DDX39B: variants seen among roughly 807,000 people sequenced by gnomAD.
DDX39B encodes the protein spliceosome RNA helicase DDX39B.
In DDX39B, 6 loss-of-function variants were observed where a neutral mutation model predicts 46.4. The observed-to-expected ratio is 0.13, with a 90% CI of 0.07 to 0.26. The LOEUF is 0.26. Among genes scored for constraint, DDX39B ranks in the 10% least tolerant of loss-of-function variants. The probability of loss-of-function intolerance (pLI) is 1.00; values close to 1 mark genes in which losing one functional copy is unlikely to be tolerated. For synonymous variants in DDX39B, 174 were observed against 199.4 expected, an observed-to-expected ratio of 0.87 and a Z score of 1.07; for missense variants, 185 against 553.4, an observed-to-expected ratio of 0.33 and a Z score of 6.68.
chr6:31,541,516 G>A (rs1270663574), intron 1 of DDX39B: 8 of 402,270 alleles, frequency 2.0e-5, no homozygotes, highest in Non-Finnish European at 4.1e-5. Context: ...GGCAAGTCAA[G>A]GTGAGAAAAA....
At chr6:31,539,381 G>T in intron 2 of DDX39B, 107 bp from the exon 3 acceptor site, 1 of 1,492,468 alleles carries the variant, frequency 6.7e-7, no homozygotes, top group Admixed American at 2.1e-5. Flanking sequence ...TCAAAGTCTA[G>T]TATTTACCTG....
chr6:31,540,232 C>T, intron 2 of DDX39B, 90 bp downstream of exon 2: 1 of 1,415,014 alleles, frequency 7.1e-7, no homozygotes, highest in Non-Finnish European at 9.9e-7. Flanking sequence ...AAGTATAAAC[C>T]CTTACCACCA....
At chr6:31,539,122 T>TC in intron 3 of DDX39B, 25 bp downstream of exon 3, 1 of 1,613,096 alleles carries the variant, frequency 6.2e-7, no homozygotes, top group South Asian at 1.1e-5. Flanking sequence ...CAAAATCCCC[T>TC]CCCCAGCACT....
rs754083063 is a variant in DDX39B at position 31,531,422 on chromosome 6, T to TG, written c.868-18dup. The TG allele has an allele frequency of 5.6e-6, 9 of 1,606,634 alleles. No homozygotes were observed. Among genetic ancestry groups the TG allele is most frequent in the Admixed American group, 1.7e-5 (1 of 59,590 alleles). On this transcript the variant is annotated splice_polypyrimidine_tract_variant and intron_variant, in intron 7 of 10. Coordinates refer to ENST00000396172, the MANE Select transcript of DDX39B (RefSeq NM_004640.7). The surrounding 1 kb of genome is among the most constrained non-coding windows in gnomAD (Gnocchi z 5.8). ...GATCACCACCTGTTGTGGGGTGGGG[T>TG]GGGGGGTCGCAAATTGGGGGAATAG...
rs777506169 is a variant in DDX39B, at chr6:31,535,492, G to A, written c.617-7C>T. On this transcript the variant is annotated splice_region_variant and splice_polypyrimidine_tract_variant and intron_variant, in intron 5 of 10. Coordinates refer to ENST00000396172, the MANE Select transcript of DDX39B (RefSeq NM_004640.7). The surrounding 1 kb of genome is among the most constrained non-coding windows in gnomAD (Gnocchi z 4.6). ...TGGACATCCCGACGCATGTCTACAAGAACAAGGAAAAAAATTGTAGGAGAA... is the reference window on the plus strand; with the variant it reads ...TGGACATCCCGACGCATGTCTACAAAAACAAGGAAAAAAATTGTAGGAGAA... The A allele has an allele frequency of 2.5e-6, 4 of 1,603,614 alleles. No homozygotes were observed. The highest frequency in any genetic ancestry group is 1.3e-5 in the African/African-American group (1 of 74,596).
chr6:31,536,365 G>A, intron 5 of DDX39B, 135 bp downstream of exon 5: 2 of 1,261,208 alleles, frequency 1.6e-6, no homozygotes, highest in African/African-American at 2.9e-5. Context: ...GACCAACCAG[G>A]GAACCCAGAG....
At chr6:31,539,413 C>A in intron 2 of DDX39B, 139 bp from the exon 3 acceptor site, 1 of 1,222,526 alleles carries the variant, frequency 8.2e-7, no homozygotes, top group African/African-American at 1.5e-5. Flanking sequence ...CTTCCAGACC[C>A]ATTTTACCTC....
At position 31,539,264 on chromosome 6, in the gene DDX39B, C is replaced by T. The variant is rs756521014; in HGVS notation, c.222G>A (p.Glu74=). 6.2e-7 allele frequency: 1 copy of T among 1,612,612 alleles called. No individual in the cohort carries two copies. The highest frequency in any genetic ancestry group is 8.5e-7 in the Non-Finnish European group (1 of 1,179,558). ...GFEHPSEVQH[E]CIPQAILGMD... is the part of the protein sequence containing the mutation. ...TTCCCAGAATGGCCTGAGGGATGCA[C>T]TCATGCTGGACTAAAAGTTGGGGGG... The change falls in exon 3 of 11, where the codon GAG becomes GAA. Residue 74 remains glutamate (E), a synonymous_variant. Transcript: ENST00000396172.
In DDX39B at chr6:31,531,558, A is replaced by G. The variant is rs1426394024; in HGVS notation, c.868-153T>C. 8 of 686,304 alleles carry G rather than the reference A, an allele frequency of 1.2e-5. No individual in the cohort carries two copies. Among genetic ancestry groups the G allele is most frequent in the Non-Finnish European group, 2.0e-5 (8 of 406,492 alleles). The allele number at this position is 686,304 out of a possible 1,614,324, so 42.5% of individuals were successfully genotyped here. On this transcript the variant is annotated intron_variant, in intron 7 of 10. Transcript: ENST00000396172. This position sits in a 1 kb window ranked among gnomAD's most constrained non-coding sequence, Gnocchi z 5.8. ...TTCCCCCACTATATATTTAGAGCAG[A>G]AAAGGAAATATAACTTTACTTCAGC... is the stretch of plus-strand genomic sequence containing the variant.
chr6:31,541,057 G>A (rs756217140), intron 1 of DDX39B: 25 of 524,666 alleles, frequency 4.8e-5, no homozygotes, highest in Non-Finnish European at 7.8e-5. Flanking sequence ...GGAAGACTCC[G>A]CTTTCCCTAT....
Position 31,540,344 on chromosome 6 carries a change from A to G in DDX39B, c.189T>C (p.Cys63=). 1 of 1,614,242 alleles carries G rather than the reference A, an allele frequency of 6.2e-7. No homozygotes were observed. The highest frequency in any genetic ancestry group is 8.5e-7 in the Non-Finnish European group (1 of 1,180,044). Residue 63 remains cysteine (C), a synonymous_variant, in exon 2 of 11, where the codon TGT becomes TGC. Coordinates refer to ENST00000396172, the MANE Select transcript of DDX39B (RefSeq NM_004640.7). ...KPELLRAIVD[C]GFEHPSEVQH... is the part of the protein sequence containing the mutation. ...TACCTTCTGACGGATGCTCAAAGCC[A>G]CAGTCGACAATGGCCCGGAGCAACT...
At chr6:31,536,322 G>T (rs2150337078) in intron 5 of DDX39B, 178 bp downstream of exon 5, 1 of 877,190 alleles carries the variant, frequency 1.1e-6, no homozygotes, top group Non-Finnish European at 1.9e-6. Flanking sequence ...GATGATAGAT[G>T]ACACCCTTTA....
At chr6:31,541,067 T>C (rs1396758363) in intron 1 of DDX39B, 3 of 531,016 alleles carry the variant, frequency 5.6e-6, no homozygotes, top group Non-Finnish European at 1.2e-5. Flanking sequence ...GCTTTCCCTA[T>C]TATAATCCCA....
At chr6:31,536,417 A>G (rs114751021) in intron 5 of DDX39B, 83 bp downstream of exon 5, 35,826 of 1,590,158 alleles carry the variant, frequency 0.023, 497 homozygotes, top group Non-Finnish European at 0.027. Flanking sequence ...CCTTGCACTG[A>G]GGTGCTCCTG....
rs372972594 is a variant in DDX39B, at chr6:31,531,447, G to A, written c.868-42C>T. 1 of 1,573,084 alleles carries A rather than the reference G, an allele frequency of 6.4e-7. No individual in the cohort carries two copies. The highest frequency in any genetic ancestry group is 2.2e-5 in the East Asian group (1 of 44,566). On this transcript the variant is annotated intron_variant, in intron 7 of 10. Transcript: ENST00000396172. The surrounding 1 kb of genome is among the most constrained non-coding windows in gnomAD (Gnocchi z 5.8). ...TGGGGGGTCGCAAATTGGGGGAATA[G>A]GGGTCCATGGTGTGTGAGAGACATT...
chr6:31,534,961 GT>G lies in DDX39B; in HGVS notation c.735+405del. On this transcript the variant is annotated intron_variant, in intron 6 of 10. Transcript: ENST00000396172. This position sits in a 1 kb window ranked among gnomAD's most constrained non-coding sequence, Gnocchi z 5.1. ...GCTCTCCTGCCACCGGGAAGTAGGA[GT>G]TTTGGTGAGCAGAAGGCTCCAGCTG... The G allele has an allele frequency of 3.7e-6, 1 of 270,024 alleles. No individual in the cohort carries two copies. The highest frequency in any genetic ancestry group is 7.3e-6 in the Non-Finnish European group (1 of 136,694). The allele number at this position is 270,024 out of a possible 1,614,324, so 16.7% of individuals were successfully genotyped here.
At chr6:31,536,442 C>A (rs1404829583) in intron 5 of DDX39B, 58 bp downstream of exon 5, 1 of 1,609,016 alleles carries the variant, frequency 6.2e-7, no homozygotes, top group Non-Finnish European at 8.5e-7. Flanking sequence ...AAATAAACAT[C>A]ATTTGGCTCC....
chr6:31,541,356 A>T (rs2150347840), intron 1 of DDX39B: 2 of 378,348 alleles, frequency 5.3e-6, no homozygotes, highest in Middle Eastern at 9.0e-4. Flanking sequence ...TAGGTGACAG[A>T]GAAAGGCAAT....
At chr6:31,532,739 A>G in intron 7 of DDX39B, 41 bp downstream of exon 7, 1 of 1,601,348 alleles carries the variant, frequency 6.2e-7, no homozygotes. Context: ...CTACAGCTGG[A>G]GTGCTCCAAT....
Sources: gnomAD v4.1 joint callset for allele counts on GRCh38, gnomAD v4.1.1 for gene constraint, Gnocchi (gnomAD v3.1) non-coding constraint, MANE v1.5 for transcripts, NCBI Gene and HGNC (gene_info 2026-07-23, HGNC 2026-07-21) for gene names.